Variants in ALG5 observed in about 807,000 individuals in gnomAD.
ALG5 encodes ALG5 dolichyl-phosphate beta-glucosyltransferase, also known as dolichyl-phosphate beta-glucosyltransferase.
Under a neutral mutation model 51.8 loss-of-function variants are expected in ALG5, and 26 were observed. The ratio of observed to expected loss-of-function variants is 0.50; its 90% confidence interval spans 0.37 to 0.70. The LOEUF (loss-of-function observed/expected upper bound fraction) is 0.70, where lower values mean the gene tolerates loss of function less well. ALG5 is among the 30% of genes least tolerant of loss of function. The probability of loss-of-function intolerance (pLI) is 0.00; values close to 1 mark genes in which losing one functional copy is unlikely to be tolerated. For missense variants in ALG5, 311 were observed against 399.3 expected, an observed-to-expected ratio of 0.78 and a Z score of 1.88; for synonymous variants, 141 against 136.1, an observed-to-expected ratio of 1.04 and a Z score of -0.25.
chr13:36,992,167 T>C (rs181053154), intron 4 of ALG5, among the ~76,000 whole-genome samples: 6 of 152,334 alleles, frequency 3.9e-5, no homozygotes, highest in African/African-American at 1.4e-4. Context: ...TAGTTCCTAA[T>C]TGATAAAAAT....
chr13:36,997,003 A>G (rs933747799), intron 1 of ALG5, among the ~76,000 whole-genome samples: 1 of 152,198 alleles, frequency 6.6e-6, no homozygotes, highest in Non-Finnish European at 1.5e-5. Flanking sequence ...AAGAAGCATC[A>G]CTCACAATTT....
chr13:36,950,663 T>C (rs147598555), intron 9 of ALG5, among the ~76,000 whole-genome samples: 10 of 152,210 alleles, frequency 6.6e-5, no homozygotes, highest in Admixed American at 2.0e-4. Flanking sequence ...CACTGTAACC[T>C]TGACCTCCCG....
At position 36,950,001 on chromosome 13, in the gene ALG5, T is replaced by C. The variant is rs1019024110; in HGVS notation, c.916A>G (p.Ile306Val). 3.7e-6 allele frequency: 6 copies of C among 1,613,408 alleles called. No homozygotes were observed. Among genetic ancestry groups the C allele is most frequent in the Middle Eastern group, 1.6e-4 (1 of 6,080 alleles). Residue 306 changes from isoleucine (I) to valine (V), a missense_variant, in exon 10 of 10, where the codon ATA becomes GTA. Coordinates refer to ENST00000239891, the MANE Select transcript of ALG5 (RefSeq NM_013338.5). ...GCACCAGTCAAATATCGAAGTCGTA[T>C]AAAAAGTAGGTCTTTACCCATTTGT... The part of the protein sequence containing the change: ...WLQMGKDLLF[I>V]RLRYLTGAWR...
At chr13:36,972,820 G>T (rs7335245) in intron 6 of ALG5, among the ~76,000 whole-genome samples, 27 of 151,768 alleles carry the variant, frequency 1.8e-4, no homozygotes. Flanking sequence ...GCGAAACCCC[G>T]TCTCTACTAA....
intron 7 of ALG5, among the ~76,000 whole-genome samples, chr13:36,966,326 T>G (rs963644310): frequency 1.3e-5 from 2 of 152,196 alleles, no homozygotes; most frequent in Admixed American, 6.5e-5. Context: ...ATTAAGTAGG[T>G]TTTAATCCCA....
intron 4 of ALG5, 98 bp downstream of exon 4, chr13:36,993,506 G>A (rs2059034733): frequency 9.8e-7 from 1 of 1,017,540 alleles, no homozygotes; most frequent in South Asian, 1.3e-5. Flanking sequence ...GTTAGGCACA[G>A]CTTTAGGGTC....
intron 1 of ALG5, 77 bp downstream of exon 1, chr13:36,999,158 A>G: frequency 2.3e-6 from 3 of 1,328,512 alleles, no homozygotes; most frequent in East Asian, 2.8e-5. Flanking sequence ...AGCGCGGAGG[A>G]GGGGACGCCT....
intron 8 of ALG5, among the ~76,000 whole-genome samples, chr13:36,955,689 A>G (rs1419917034): frequency 8.0e-6 from 1 of 124,244 alleles, no homozygotes; most frequent in Non-Finnish European, 1.6e-5. Context: ...AGATTGTGAA[A>G]AAAAAAAAAA....
At chr13:36,958,090 C>T (rs1593658924) in intron 8 of ALG5, among the ~76,000 whole-genome samples, 1 of 152,080 alleles carries the variant, frequency 6.6e-6, no homozygotes, top group East Asian at 1.9e-4. Flanking sequence ...GCTCTTTAAG[C>T]GACAACCGTG....
intron 8 of ALG5, among the ~76,000 whole-genome samples, chr13:36,964,683 A>G (rs984833514): frequency 6.6e-6 from 1 of 152,112 alleles, no homozygotes; most frequent in Non-Finnish European, 1.5e-5. Context: ...CACGTCTGTA[A>G]TCGCAGCACT....
chr13:36,950,799 T>C (rs2058814877), intron 9 of ALG5, among the ~76,000 whole-genome samples: 1 of 152,076 alleles, frequency 6.6e-6, no homozygotes, highest in Non-Finnish European at 1.5e-5. Flanking sequence ...TTGCCCAGGC[T>C]GGTCTCAAAC....
intron 7 of ALG5, among the ~76,000 whole-genome samples, chr13:36,970,070 T>C (rs2058914633): frequency 6.7e-6 from 1 of 149,094 alleles, no homozygotes; most frequent in African/African-American, 2.4e-5. Context: ...ATATATATAC[T>C]ATTTTATAAT....
At chr13:36,995,377 T>C (rs2059044328) in intron 2 of ALG5, 48 bp downstream of exon 2, 2 of 1,561,582 alleles carry the variant, frequency 1.3e-6, no homozygotes, top group African/African-American at 1.4e-5. Flanking sequence ...TAAATTTCCT[T>C]TTCTTTTCCA....
At position 36,950,064 on chromosome 13, in the gene ALG5, T is replaced by C; in HGVS notation, c.860-7A>G. 1 of 1,547,080 alleles carries C rather than the reference T, an allele frequency of 6.5e-7. No individual in the cohort carries two copies. The highest frequency in any genetic ancestry group is 1.2e-5 in the South Asian group (1 of 86,818). Reference sequence around the variant, plus strand: ...AATGGAACTAATTTAGAACCTGTGATTTAAAAATAATTAAAAACAAATTAG... The same window carrying C: ...AATGGAACTAATTTAGAACCTGTGACTTAAAAATAATTAAAAACAAATTAG... On this transcript the variant is annotated splice_polypyrimidine_tract_variant and splice_region_variant and intron_variant, in intron 9 of 9. Transcript: ENST00000239891.
At chr13:36,971,608 C>T (rs1045878503) in intron 7 of ALG5, among the ~76,000 whole-genome samples, 1 of 123,902 alleles carries the variant, frequency 8.1e-6, no homozygotes, top group African/African-American at 3.1e-5. Flanking sequence ...AAGATCGCAC[C>T]ACTGCACTCC....
At chr13:36,977,312 C>G (rs889487063) in intron 6 of ALG5, among the ~76,000 whole-genome samples, 1 of 152,046 alleles carries the variant, frequency 6.6e-6, no homozygotes, top group African/African-American at 2.4e-5. Flanking sequence ...AACTGAATTT[C>G]CCATGGTTTT....
chr13:36,953,074 T>C (rs554977813), intron 8 of ALG5, among the ~76,000 whole-genome samples: 1 of 152,286 alleles, frequency 6.6e-6, no homozygotes, highest in South Asian at 2.1e-4. Flanking sequence ...CCAGATTACT[T>C]TTCTAATAGT....
chr13:36,993,463 T>G (rs2059034468), intron 4 of ALG5, 141 bp downstream of exon 4: 1 of 676,408 alleles, frequency 1.5e-6, no homozygotes, highest in Non-Finnish European at 2.5e-6. Flanking sequence ...GAAATCTGTT[T>G]TTTCTGCTAT....
intron 4 of ALG5, among the ~76,000 whole-genome samples, chr13:36,990,040 T>A (rs1381413468): frequency 6.6e-6 from 1 of 152,204 alleles, no homozygotes; most frequent in Non-Finnish European, 1.5e-5. Context: ...TTCTCCCGAA[T>A]CTTTTCACTC....
Sources: allele counts gnomAD v4.1 joint callset (sites outside exome capture counted in the v4.1 genomes callset), GRCh38; gene constraint gnomAD v4.1.1; transcripts MANE v1.5; gene names NCBI Gene and HGNC (gene_info 2026-07-23, HGNC 2026-07-21).